RIT2: variants seen among roughly 807,000 people sequenced by gnomAD.
The protein encoded by RIT2 is GTP-binding protein Rit2.
RIT2 carries 24 observed loss-of-function variants against 23.7 expected under a neutral mutation model. That is an observed-to-expected ratio of 1.01 (90% CI 0.73 to 1.43). RIT2 has a LOEUF of 1.43. Ranked by LOEUF, RIT2 falls within the 40% of genes most tolerant of loss-of-function variation. The pLI is 0.00. For missense variants in RIT2, 236 were observed against 266.9 expected (o/e 0.88, Z 0.81); for synonymous variants, 107 against 91.1 (o/e 1.17, Z -0.99).
At chr18:42,802,494 C>G (rs971666195) in intron 4 of RIT2, among the ~76,000 whole-genome samples, 1 of 152,080 alleles carries the variant, frequency 6.6e-6, no homozygotes, top group African/African-American at 2.4e-5. Context: ...GAAGGATGAA[C>G]TGATATGGAA....
At chr18:42,931,865 T>C (rs1358118506) in intron 3 of RIT2, among the ~76,000 whole-genome samples, 1 of 152,130 alleles carries the variant, frequency 6.6e-6, no homozygotes, top group African/African-American at 2.4e-5. Context: ...AAGTTGCAGT[T>C]GCTAATTGAT....
At chr18:42,903,325 G>T (rs1908527056) in intron 4 of RIT2, among the ~76,000 whole-genome samples, 2 of 152,054 alleles carry the variant, frequency 1.3e-5, no homozygotes, top group Non-Finnish European at 2.9e-5. Context: ...AAATATAGAA[G>T]ATATTTCATT....
At chr18:42,750,929 A>G (rs1913031377) in intron 4 of RIT2, among the ~76,000 whole-genome samples, 1 of 151,892 alleles carries the variant, frequency 6.6e-6, no homozygotes, top group African/African-American at 2.4e-5. Context: ...GAATTCTAAT[A>G]AGAAGGAGGT....
chr18:43,081,993 A>T (rs1913168513), intron 1 of RIT2, among the ~76,000 whole-genome samples: 1 of 152,052 alleles, frequency 6.6e-6, no homozygotes, highest in Non-Finnish European at 1.5e-5. Context: ...CTAAGACAAC[A>T]TAACTTGTTT....
At chr18:43,024,893 C>T (rs1911676514) in intron 2 of RIT2, among the ~76,000 whole-genome samples, 1 of 151,858 alleles carries the variant, frequency 6.6e-6, no homozygotes, top group Non-Finnish European at 1.5e-5. Context: ...TCATGTTACA[C>T]CAGTCAGAAT....
At chr18:43,092,343 A>G (rs1913442372) in intron 1 of RIT2, among the ~76,000 whole-genome samples, 1 of 152,130 alleles carries the variant, frequency 6.6e-6, no homozygotes, top group Non-Finnish European at 1.5e-5. Context: ...CCTTTTAAAA[A>G]TGGAGTAATC....
intron 2 of RIT2, among the ~76,000 whole-genome samples, chr18:43,026,816 G>A (rs1911744412): frequency 6.6e-6 from 1 of 151,502 alleles, no homozygotes; most frequent in Non-Finnish European, 1.5e-5. Flanking sequence ...AATATAAGAT[G>A]GAGAAATAAA....
intron 4 of RIT2, among the ~76,000 whole-genome samples, chr18:42,847,492 T>C (rs1251772851): frequency 6.6e-6 from 1 of 152,126 alleles, no homozygotes; most frequent in Non-Finnish European, 1.5e-5. Flanking sequence ...TTACCTTCAC[T>C]TTAAAGATCC....
At chr18:43,085,121 A>G (rs922911526) in intron 1 of RIT2, among the ~76,000 whole-genome samples, 1 of 152,118 alleles carries the variant, frequency 6.6e-6, no homozygotes, top group South Asian at 2.1e-4. Flanking sequence ...AGAAGAAAGT[A>G]TCTTTTTAAA....
intron 3 of RIT2, among the ~76,000 whole-genome samples, chr18:42,952,679 A>G (rs1909880255): frequency 6.6e-6 from 1 of 152,068 alleles, no homozygotes; most frequent in African/African-American, 2.4e-5. Context: ...AATGTGGTTT[A>G]ATAAAGAAAA....
At chr18:42,991,787 C>A (rs1335056604) in intron 2 of RIT2, among the ~76,000 whole-genome samples, 1 of 151,912 alleles carries the variant, frequency 6.6e-6, no homozygotes, top group African/African-American at 2.4e-5. Flanking sequence ...AGAGAACAAC[C>A]CCCCTTTGAC....
intron 4 of RIT2, among the ~76,000 whole-genome samples, chr18:42,896,469 C>T (rs980385907): frequency 2.6e-5 from 4 of 152,114 alleles, no homozygotes; most frequent in Admixed American, 1.3e-4. Flanking sequence ...CTGCTCATCA[C>T]GTTTTGAAAG....
intron 2 of RIT2, among the ~76,000 whole-genome samples, chr18:42,994,888 C>T (rs1275229385): frequency 1.3e-5 from 2 of 152,192 alleles, no homozygotes; most frequent in African/African-American, 4.8e-5. Context: ...TTCAGCTACA[C>T]TCACTCTTTG....
intron 1 of RIT2, among the ~76,000 whole-genome samples, chr18:43,055,961 T>C (rs1912492804): frequency 6.6e-6 from 1 of 152,074 alleles, no homozygotes; most frequent in Non-Finnish European, 1.5e-5. Flanking sequence ...AATTAGAATT[T>C]TGTAAAGGTG....
At chr18:42,993,448 T>C (rs1034553856) in intron 2 of RIT2, among the ~76,000 whole-genome samples, 3 of 152,126 alleles carry the variant, frequency 2.0e-5, no homozygotes, top group Non-Finnish European at 4.4e-5. Flanking sequence ...CCCTTCTAAA[T>C]CAATATGGAA....
intron 4 of RIT2, among the ~76,000 whole-genome samples, chr18:42,751,079 A>T (rs555300209): frequency 2.0e-3 from 307 of 152,000 alleles, no homozygotes; most frequent in African/African-American, 6.6e-3. Context: ...CTGGAAAAAG[A>T]TCAACATATC....
At chr18:43,039,802 A>G (rs927517075) in intron 1 of RIT2, among the ~76,000 whole-genome samples, 1 of 152,218 alleles carries the variant, frequency 6.6e-6, no homozygotes, top group African/African-American at 2.4e-5. Flanking sequence ...TTCATTTCTC[A>G]CTGACCAGTA....
At chr18:43,099,556 T>C (rs982143076) in intron 1 of RIT2, among the ~76,000 whole-genome samples, 1 of 152,132 alleles carries the variant, frequency 6.6e-6, no homozygotes, top group Admixed American at 6.6e-5. Context: ...TTATTTGGAT[T>C]ATTAAATTTA....
chr18:42,918,324 G>A (rs1363405806), intron 4 of RIT2, among the ~76,000 whole-genome samples: 1 of 152,008 alleles, frequency 6.6e-6, no homozygotes, highest in African/African-American at 2.4e-5. Context: ...CTTAAGCTTT[G>A]TTTTGTTTTG....
Sources: gnomAD v4.1 joint callset for allele counts (sites outside exome capture counted in the v4.1 genomes callset) on GRCh38, gnomAD v4.1.1 for gene constraint, MANE v1.5 for transcripts, NCBI Gene and HGNC (gene_info 2026-07-23, HGNC 2026-07-21) for gene names.